Variants in MCTP2 observed in about 807,000 individuals in gnomAD.
The protein encoded by MCTP2 is multiple C2 and transmembrane domain containing 2.
Under a neutral mutation model 111.6 loss-of-function variants are expected in MCTP2, and 132 were observed. The ratio of observed to expected loss-of-function variants is 1.18; its 90% CI spans 1.03 to 1.37. MCTP2 has a LOEUF of 1.37. Among genes scored for constraint, MCTP2 ranks in the 40% most tolerant of loss-of-function variants. MCTP2 has a pLI of 0.00. For synonymous variants in MCTP2, 395 were observed against 387.7 expected (o/e 1.02, Z -0.22); for missense variants, 1,183 against 1,067.9 (o/e 1.11, Z -1.50).
intron 21 of MCTP2, among the ~76,000 whole-genome samples, chr15:94,475,337 CACAATGGCT>C (rs2074266051): frequency 1.3e-5 from 2 of 152,192 alleles, no homozygotes; most frequent in Admixed American, 6.5e-5. Context: ...TTTACTCGGG[CACAATGGCT>C]GGCTCCCATT....
intron 4 of MCTP2, among the ~76,000 whole-genome samples, chr15:94,334,960 C>T (rs1212067443): frequency 6.6e-6 from 1 of 152,166 alleles, no homozygotes; most frequent in African/African-American, 2.4e-5. Context: ...AGATCACATA[C>T]CCTTTCCCAT....
At chr15:94,402,487 AC>A in intron 17 of MCTP2, 1 of 1,551,712 alleles carries the variant, frequency 6.4e-7, no homozygotes, top group Non-Finnish European at 8.7e-7. Context: ...TTCATTCAGC[AC>A]CGCAAAGAGG....
chr15:94,374,833 G>A (rs1213854428), intron 12 of MCTP2, among the ~76,000 whole-genome samples: 1 of 152,088 alleles, frequency 6.6e-6, no homozygotes, highest in Admixed American at 6.6e-5. Context: ...GCCAAGAGTA[G>A]CAACAAAGCA....
At chr15:94,443,048 T>A in intron 19 of MCTP2, 88 bp downstream of exon 19, 9 of 129,418 alleles carry the variant, frequency 7.0e-5, no homozygotes, top group African/African-American at 1.1e-4. Context: ...CTCTCCTCTC[T>A]TTTTTTTTTT....
rs746620932 is a variant in MCTP2, at chr15:94,298,450, C to T, written c.185C>T (p.Ala62Val). ...GATCTCCTGGAGGCTGAGGCCTTGGCCCCAGAGGGCCGGCCTTACTCCGGG... is the reference window on the plus strand; with the variant it reads ...GATCTCCTGGAGGCTGAGGCCTTGGTCCCAGAGGGCCGGCCTTACTCCGGG... ...VPDLLEAEAL[A>V]PEGRPYSGPQ... The change falls in exon 2 of 23, where the codon GCC (alanine) becomes GTC (valine). Residue 62 changes from alanine to valine, a missense_variant. Coordinates refer to ENST00000357742, the MANE Select transcript of MCTP2 (RefSeq NM_001385001.1). The T allele has an allele frequency of 2.5e-6, 4 of 1,614,154 alleles. No homozygotes were observed. The highest frequency in any genetic ancestry group is 3.4e-6 in the Non-Finnish European group (4 of 1,180,006).
At chr15:94,387,156 C>G (rs1268443669) in intron 14 of MCTP2, among the ~76,000 whole-genome samples, 1 of 151,842 alleles carries the variant, frequency 6.6e-6, no homozygotes, top group African/African-American at 2.4e-5. Context: ...TTCCTCCTTT[C>G]CTTCCTCCCT....
Position 94,276,238 on chromosome 15 carries a change from A to G in MCTP2, c.-65-21963A>G, listed in dbSNP as rs376779553. 1.4e-4 allele frequency among the ~76,000 whole-genome samples: 22 copies of G among 152,306 alleles called. No individual in the cohort carries two copies. The East Asian group carries it at 3.1e-3, about 21-fold the overall frequency. ...TACTAAAAATAATAGGGACATATTC[A>G]TAAACAGGACAGAGATTAAAACAGC... On this transcript the variant is annotated intron_variant, in intron 1 of 22. Transcript: ENST00000357742.
Position 94,350,709 on chromosome 15 carries a change from G to A in MCTP2, c.1006-5428G>A, listed in dbSNP as rs542079454. The stretch of plus-strand genomic sequence containing the variant: ...TAAAGTATTTTAAGTAAGAAATATA[G>A]AACAATAGAGAAGTGAAGGGTAGCA... On this transcript the variant is annotated intron_variant, in intron 8 of 22. Transcript: ENST00000357742. 2.0e-5 allele frequency among the ~76,000 whole-genome samples: 3 copies of A among 152,288 alleles called. No homozygotes were observed. The East Asian group carries it at 5.8e-4, about 29-fold the overall frequency.
At chr15:94,258,716 A>C (rs2073003520) in intron 1 of MCTP2, among the ~76,000 whole-genome samples, 1 of 152,194 alleles carries the variant, frequency 6.6e-6, no homozygotes, top group Admixed American at 6.5e-5. Context: ...TCATTACCTG[A>C]TTCTTCTTTC....
At chr15:94,470,150 AAGAATGTTTTTCC>A (rs2073795171) in intron 20 of MCTP2, among the ~76,000 whole-genome samples, 170 bp from the exon 21 acceptor site, 1 of 152,198 alleles carries the variant, frequency 6.6e-6, no homozygotes, top group Non-Finnish European at 1.5e-5. Context: ...CTGTCCTTTT[AAGAATGTTTTTCC>A]AGTACCCAAT....
At chr15:94,381,097 T>C (rs1233021516) in intron 12 of MCTP2, among the ~76,000 whole-genome samples, 2 of 152,212 alleles carry the variant, frequency 1.3e-5, no homozygotes, top group South Asian at 2.1e-4. Flanking sequence ...CGGCCTCAAA[T>C]GTATGTATGT....
chr15:94,436,573 A>G (rs950963994), intron 17 of MCTP2, among the ~76,000 whole-genome samples: 8 of 152,170 alleles, frequency 5.3e-5, no homozygotes, highest in Non-Finnish European at 1.2e-4. Context: ...AAACATTTCT[A>G]GGATTGCTTA....
chr15:94,438,351 A>G (rs978991656), intron 17 of MCTP2, among the ~76,000 whole-genome samples: 3 of 152,116 alleles, frequency 2.0e-5, no homozygotes, highest in African/African-American at 7.2e-5. Flanking sequence ...CTGAGGTGGA[A>G]AAAATTCACA....
intron 2 of MCTP2, among the ~76,000 whole-genome samples, chr15:94,304,521 G>C (rs916259307): frequency 1.3e-5 from 2 of 152,176 alleles, no homozygotes; most frequent in Admixed American, 6.5e-5. Flanking sequence ...AAATCACACA[G>C]AAAGTCAAAT....
rs71132992 is a variant in MCTP2, at chr15:94,236,377, C to CTTTTTTTTTTTTTTTTTTTT, written c.-66+4722_-66+4741dup. On this transcript the variant is annotated intron_variant, in intron 1 of 22. Coordinates refer to ENST00000357742, the MANE Select transcript of MCTP2 (RefSeq NM_001385001.1). ...TATGATTCAATCCTTTCTTTTTTTTCTTTTTTTTTTTTTTTTTTTTTTTTT... is the reference window on the plus strand; with the variant it reads ...TATGATTCAATCCTTTCTTTTTTTTCTTTTTTTTTTTTTTTTTTTTTTTTTTTTTTTTTTTTTTTTTTTTT... Among the ~76,000 whole-genome samples the CTTTTTTTTTTTTTTTTTTTT allele has an allele frequency of 3.0e-4, 22 of 72,460 alleles. 2 individuals are homozygous for CTTTTTTTTTTTTTTTTTTTT. The highest frequency in any genetic ancestry group is 6.3e-4 in the African/African-American group (12 of 18,980). 47.5% of individuals were successfully genotyped at this position (72,460 alleles called of 152,430 possible). A position where few individuals can be genotyped will look rare whatever the true frequency, so the allele number is the denominator to read the frequency against.
At chr15:94,396,253 T>C (rs2081276353) in intron 14 of MCTP2, among the ~76,000 whole-genome samples, 1 of 152,220 alleles carries the variant, frequency 6.6e-6, no homozygotes, top group South Asian at 2.1e-4. Flanking sequence ...TTGAAAGCTG[T>C]ATTTTTCCTT....
intron 17 of MCTP2, among the ~76,000 whole-genome samples, chr15:94,411,434 C>G (rs2082148063): frequency 6.6e-6 from 1 of 152,070 alleles, no homozygotes; most frequent in Non-Finnish European, 1.5e-5. Context: ...AAGCGGAGGG[C>G]CCTTTTATTG....
intron 20 of MCTP2, among the ~76,000 whole-genome samples, chr15:94,464,257 T>TTATATATATATATATATATATATTATA (rs1555481313): frequency 4.4e-5 from 2 of 44,968 alleles, no homozygotes; most frequent in African/African-American, 1.2e-4. Context: ...TATATATATA[T>TTATATATATATATATATATATATTATA]TATATATATA....
At chr15:94,405,477 G>A (rs10520753) in intron 17 of MCTP2, among the ~76,000 whole-genome samples, 23,374 of 152,096 alleles carry the variant, frequency 0.15, 1,972 homozygotes, top group Non-Finnish European at 0.16. Context: ...ATCTAGGTCC[G>A]CATGGTGTCT....
Sources: allele counts gnomAD v4.1 joint callset (sites outside exome capture counted in the v4.1 genomes callset), GRCh38; gene constraint gnomAD v4.1.1; transcripts MANE v1.5; gene names NCBI Gene and HGNC (gene_info 2026-07-23, HGNC 2026-07-21).